MYLK3: variants seen among roughly 807,000 people sequenced by gnomAD.
MYLK3 encodes the protein MLC kinase.
A neutral mutation model predicts 76.3 loss-of-function variants in MYLK3; 55 were observed. The observed-to-expected ratio is 0.72, with a 90% CI of 0.58 to 0.90. The LOEUF (loss-of-function observed/expected upper bound fraction) is 0.90. Among genes scored for constraint, MYLK3 ranks in the 40% least tolerant of loss-of-function variants. The probability of loss-of-function intolerance (pLI) is 0.00; values close to 1 mark genes in which losing one functional copy is unlikely to be tolerated. For synonymous variants in MYLK3, 416 were observed against 425.4 expected, an observed-to-expected ratio of 0.98 and a Z score of 0.27; for missense variants, 973 against 1,053.6, an observed-to-expected ratio of 0.92 and a Z score of 1.06.
chr16:46,748,247 C>A lies in MYLK3; in HGVS notation c.-54G>T, dbSNP rs1967066077. ...CGGGGAATGAGGAGAGGCACAGACC[C>A]CTGGTTCTCACTCAGGCGGTGGTGT... is the stretch of plus-strand genomic sequence containing the variant. On this transcript the variant is annotated 5_prime_UTR_variant, in exon 1 of 13. Coordinates refer to ENST00000394809, the MANE Select transcript of MYLK3 (RefSeq NM_182493.3). The surrounding 1 kb of genome is among the most constrained non-coding windows in gnomAD (Gnocchi z 4.3). The A allele has an allele frequency of 2.3e-5, 36 of 1,554,164 alleles. No individual in the cohort carries two copies. Among genetic ancestry groups the A allele is most frequent in the Non-Finnish European group, 3.1e-5 (36 of 1,151,092 alleles).
chr16:46,712,887 G>T, intron 9 of MYLK3, 111 bp from the exon 10 acceptor site: 1 of 1,101,968 alleles, frequency 9.1e-7, no homozygotes, highest in South Asian at 2.2e-5. Flanking sequence ...TCAGCCATAT[G>T]GCCTGGACTC....
chr16:46,733,341 TGA>T (rs1966856540), intron 3 of MYLK3, among the ~76,000 whole-genome samples: 1 of 151,936 alleles, frequency 6.6e-6, no homozygotes, highest in African/African-American at 2.4e-5. Context: ...GGCGACAGAG[TGA>T]GAGACCCTGT....
In MYLK3 at chr16:46,730,646, C is replaced by A. The variant is rs1043201067; in HGVS notation, c.1515G>T (p.Lys505Asn). The part of the protein sequence containing the change: ...APFEHRVVSV[K>N]ETSISAGYEV... ...CGTAACCCGCAGAGATGGAGGTCTC[C>A]TTGACGCTCACTACCCGGTGTTCAA... Residue 505 changes from lysine to asparagine, a missense_variant, in exon 5 of 13, where the codon AAG becomes AAT. Around this residue, in one of 2 missense-constraint regions of MYLK3, gnomAD observed 332 missense variants for 416.6 expected, o/e 0.80. Transcript: ENST00000394809. The A allele has an allele frequency of 6.2e-7, 1 of 1,614,094 alleles. No homozygotes were observed. The highest frequency in any genetic ancestry group is 8.5e-7 in the Non-Finnish European group (1 of 1,180,026).
At chr16:46,721,659 T>A (rs939940769) in intron 8 of MYLK3, among the ~76,000 whole-genome samples, 1 of 152,178 alleles carries the variant, frequency 6.6e-6, no homozygotes, top group African/African-American at 2.4e-5. Context: ...TGAGCCACCA[T>A]GTCCAGCTAG....
chr16:46,726,040 T>C (rs561295931), intron 8 of MYLK3: 2 of 152,238 alleles, frequency 1.3e-5, no homozygotes, highest in African/African-American at 4.8e-5. Context: ...TTCATTCTCT[T>C]ACATGTGGCT....
At chr16:46,721,052 G>T in intron 9 of MYLK3, 71 bp downstream of exon 9, 1 of 1,361,490 alleles carries the variant, frequency 7.3e-7, no homozygotes, top group Non-Finnish European at 1.1e-6. Context: ...TGGGTCAGGA[G>T]TAACCATGCC....
intron 3 of MYLK3, among the ~76,000 whole-genome samples, chr16:46,733,689 T>C (rs1183961747): frequency 6.6e-6 from 1 of 151,998 alleles, no homozygotes; most frequent in Non-Finnish European, 1.5e-5. Flanking sequence ...TCCCCACCTC[T>C]GGCTGCCTCT....
In MYLK3 at chr16:46,712,627, G is replaced by T. The variant is rs201198232; in HGVS notation, c.2114+21C>A. ...AAATGACCCCTGTCCCCACTTCAGA[G>T]CCAGGGTGCTAAGCACTCACAGCAT... is the stretch of plus-strand genomic sequence containing the variant. On this transcript the variant is annotated intron_variant, in intron 10 of 12. Coordinates refer to ENST00000394809, the MANE Select transcript of MYLK3 (RefSeq NM_182493.3). 170 of 1,432,212 alleles carry T rather than the reference G, an allele frequency of 1.2e-4. 1 individual carries two copies. The highest frequency in any genetic ancestry group is 9.3e-4 in the Middle Eastern group (5 of 5,352). The allele number at this position is 1,432,212 out of a possible 1,614,324, so 88.7% of individuals were successfully genotyped here. A position where few individuals can be genotyped will look rare whatever the true frequency, so the allele number is the denominator to read the frequency against.
chr16:46,709,868 G>A (rs918582429), intron 11 of MYLK3, among the ~76,000 whole-genome samples, 197 bp from the exon 12 acceptor site: 9 of 152,196 alleles, frequency 5.9e-5, no homozygotes, highest in Non-Finnish European at 4.4e-5. Flanking sequence ...TCAGCAAAAT[G>A]TTCTCTGACC....
chr16:46,752,208 G>A (rs1467531382), upstream of MYLK3, among the ~76,000 whole-genome samples: 1 of 152,068 alleles, frequency 6.6e-6, no homozygotes, highest in Non-Finnish European at 1.5e-5. Context: ...ATCATGGGGT[G>A]AGAGAGATTT....
intron 1 of MYLK3, among the ~76,000 whole-genome samples, chr16:46,743,488 A>C (rs984332402): frequency 6.6e-6 from 1 of 152,190 alleles, no homozygotes; most frequent in African/African-American, 2.4e-5. Flanking sequence ...CACGGAGGGA[A>C]GCAGAGGCTT....
intron 1 of MYLK3, among the ~76,000 whole-genome samples, chr16:46,762,033 G>A (rs938098558): frequency 2.6e-5 from 4 of 152,176 alleles, no homozygotes; most frequent in Non-Finnish European, 4.4e-5. Flanking sequence ...ACACAGGGGC[G>A]CTAAGTGGAG....
At chr16:46,748,488 T>C (rs1190395242), upstream of MYLK3, among the ~76,000 whole-genome samples, 2 of 152,144 alleles carry the variant, frequency 1.3e-5, no homozygotes, top group East Asian at 3.9e-4. The surrounding 1 kb of genome is among the most constrained non-coding windows in gnomAD (Gnocchi z 4.3). Flanking sequence ...TTAACATTCC[T>C]CTCTGAGAGG....
chr16:46,731,492 G>A (rs1350662643), intron 4 of MYLK3, among the ~76,000 whole-genome samples: 1 of 152,216 alleles, frequency 6.6e-6, no homozygotes, highest in Non-Finnish European at 1.5e-5. Flanking sequence ...GAAGGAAGTT[G>A]GCTCGGGCTA....
intron 1 of MYLK3, among the ~76,000 whole-genome samples, chr16:46,741,759 T>C (rs980024194): frequency 1.5e-5 from 2 of 137,046 alleles, no homozygotes; most frequent in East Asian, 2.2e-4. Flanking sequence ...ACATATTTTG[T>C]TGGGCTTGCA....
At chr16:46,737,286 T>C (rs1215525292) in intron 3 of MYLK3, among the ~76,000 whole-genome samples, 1 of 152,080 alleles carries the variant, frequency 6.6e-6, no homozygotes, top group Non-Finnish European at 1.5e-5. Context: ...GGCTTGAGAA[T>C]AGAAGGTGAA....
At chr16:46,730,350 GC>G (rs1461755375) in intron 5 of MYLK3, among the ~76,000 whole-genome samples, 2 of 152,092 alleles carry the variant, frequency 1.3e-5, no homozygotes, top group Admixed American at 6.5e-5. Flanking sequence ...CAGGGTGCCC[GC>G]CCTCCTGAGC....
At chr16:46,759,135 G>A (rs973250285) in intron 1 of MYLK3, among the ~76,000 whole-genome samples, 6 of 152,230 alleles carry the variant, frequency 3.9e-5, no homozygotes, top group African/African-American at 1.4e-4. Flanking sequence ...TGGCTCTCCG[G>A]TGCCACTGGG....
intron 5 of MYLK3, 107 bp from the exon 6 acceptor site, chr16:46,729,794 C>G: frequency 1.1e-6 from 1 of 934,858 alleles, no homozygotes; most frequent in Non-Finnish European, 1.7e-6. Flanking sequence ...TGTGGACCAT[C>G]CTACATCCCA....
Sources: allele counts gnomAD v4.1 joint callset (sites outside exome capture counted in the v4.1 genomes callset), GRCh38; gene constraint gnomAD v4.1.1; regional missense constraint gnomAD v4.1.1; non-coding constraint Gnocchi (gnomAD v3.1); transcripts MANE v1.5; gene names NCBI Gene and HGNC (gene_info 2026-07-23, HGNC 2026-07-21).